Variants in GOLGA8A observed in about 807,000 individuals in gnomAD.
GOLGA8A encodes golgin subfamily A member 8A.
GOLGA8A carries 3 observed loss-of-function variants against 22.1 expected under a neutral mutation model. The ratio of observed to expected loss-of-function variants is 0.14; its 90% CI spans 0.06 to 0.35. GOLGA8A has a LOEUF of 0.35. GOLGA8A is among the 10% of genes least tolerant of loss of function. The pLI is 1.00. For missense variants in GOLGA8A, 16 were observed against 233.2 expected (o/e 0.07, Z 6.07); for synonymous variants, 7 against 91.7 (o/e 0.08, Z 5.28).
chr15:34,430,696 G>C (rs2140289068), intron 2 of GOLGA8A, among the ~76,000 whole-genome samples: 1 of 149,718 alleles, frequency 6.7e-6, no homozygotes, highest in East Asian at 2.0e-4. Flanking sequence ...TGACTGCACT[G>C]ACTGCGTGCT....
intron 2 of GOLGA8A, among the ~76,000 whole-genome samples, chr15:34,427,667 T>A (rs928021755): frequency 6.7e-6 from 1 of 148,596 alleles, no homozygotes; most frequent in Admixed American, 6.8e-5. Context: ...GCCATCGGAC[T>A]CCCAGGCACC....
chr15:34,426,253 GCTTGCGC>G (rs1892978875), intron 2 of GOLGA8A, among the ~76,000 whole-genome samples: 1 of 149,876 alleles, frequency 6.7e-6, no homozygotes, highest in Non-Finnish European at 1.5e-5. Flanking sequence ...GAATAACGCT[GCTTGCGC>G]AAAGGACAAG....
chr15:34,434,046 T>C (rs2453690), intron 2 of GOLGA8A, among the ~76,000 whole-genome samples: 13,816 of 147,902 alleles, frequency 0.093, 1,617 homozygotes, highest in South Asian at 0.25. Flanking sequence ...AGGGATAAGA[T>C]GAAAGAGCCT....
rs997341231 is a variant in GOLGA8A, at chr15:34,429,694, T to C, written c.-1123+5689A>G. On this transcript the variant is annotated intron_variant, in intron 2 of 24. Coordinates refer to ENST00000359187, the MANE Select transcript of GOLGA8A (RefSeq NM_181077.5). Reference sequence around the variant, plus strand: ...TGGGAACAAGAAAGCTGGAATATAGTAGCTTCTCAGAAAATACCTACTGAG... The same window carrying C: ...TGGGAACAAGAAAGCTGGAATATAGCAGCTTCTCAGAAAATACCTACTGAG... 1.3e-4 allele frequency among the ~76,000 whole-genome samples: 19 copies of C among 146,536 alleles called. 3 individuals are homozygous for C. Among genetic ancestry groups the C allele is most frequent in the African/African-American group, 4.2e-4 (17 of 40,126 alleles).
At chr15:34,417,768 T>A (rs1324626946) in intron 2 of GOLGA8A, 9 of 147,856 alleles carry the variant, frequency 6.1e-5, no homozygotes, top group Admixed American at 2.8e-4. Flanking sequence ...CTTACATGTT[T>A]TTCTAAGATC....
chr15:34,428,625 G>A (rs1381326439), intron 2 of GOLGA8A: 1 of 148,026 alleles, frequency 6.8e-6, no homozygotes, highest in East Asian at 2.0e-4. Flanking sequence ...CTATCAAACA[G>A]GGACCTCTGA....
chr15:34,427,326 G>A (rs1474806902), intron 2 of GOLGA8A, among the ~76,000 whole-genome samples: 13 of 75,772 alleles, frequency 1.7e-4, no homozygotes, highest in African/African-American at 4.6e-4. Context: ...GTGAGACTCC[G>A]TCACAAAAAA....
chr15:34,430,038 T>G (rs1228281709), intron 2 of GOLGA8A, among the ~76,000 whole-genome samples: 1 of 146,854 alleles, frequency 6.8e-6, no homozygotes, highest in Non-Finnish European at 1.5e-5. Context: ...CCAAGACAAG[T>G]TGGAGATGAG....
Position 34,430,438 on chromosome 15 carries a change from T to C in GOLGA8A, c.-1123+4945A>G, listed in dbSNP as rs937144090. ...AGCTGTGGGTCAGGAAAATCTCGAC[T>C]TCACCCAATGCCATTCCCGAGACAA... On this transcript the variant is annotated intron_variant, in intron 2 of 24. Transcript: ENST00000359187. Among the ~76,000 whole-genome samples, 7 of 149,170 alleles carry C rather than the reference T, an allele frequency of 4.7e-5. 1 individual carries two copies. The East Asian group carries it at 5.9e-4, about 13-fold the overall frequency.
intron 2 of GOLGA8A, among the ~76,000 whole-genome samples, chr15:34,424,524 C>CT (rs1195435805): frequency 6.8e-6 from 1 of 146,288 alleles, no homozygotes; most frequent in Non-Finnish European, 1.5e-5. Context: ...AAGGCAACAA[C>CT]TTTTCTACAG....
intron 2 of GOLGA8A, among the ~76,000 whole-genome samples, chr15:34,428,108 T>TC (rs1478554641): frequency 6.1e-5 from 9 of 146,470 alleles, no homozygotes; most frequent in Non-Finnish European, 6.0e-5. Context: ...TTTTTTTTTT[T>TC]TGAGAGAGAG....
rs1566900593 is a variant in GOLGA8A at position 34,379,128 on chromosome 15, C to T, written c.*2283G>A. 1 of 152,536 alleles carries T rather than the reference C, an allele frequency of 6.6e-6. No homozygotes were observed. The highest frequency in any genetic ancestry group is 2.4e-5 in the African/African-American group (1 of 41,414). The allele number at this position is 152,536 out of a possible 1,614,324, so 9.4% of individuals were successfully genotyped here. ...GCATCACATCAGCAGTCAATAATGCCACTTTAAGCAAAAGTCTTTCAGTAT... is the reference window on the plus strand; with the variant it reads ...GCATCACATCAGCAGTCAATAATGCTACTTTAAGCAAAAGTCTTTCAGTAT... On this transcript the variant is annotated 3_prime_UTR_variant, in exon 25 of 25. Transcript: ENST00000359187.
intron 2 of GOLGA8A, among the ~76,000 whole-genome samples, chr15:34,423,269 C>T (rs2042489637): frequency 7.9e-6 from 1 of 126,234 alleles, no homozygotes; most frequent in Non-Finnish European, 1.7e-5. Context: ...CGCCACCCTG[C>T]AGCTCCTGTT....
In GOLGA8A at chr15:34,379,237, G is replaced by T. The variant is rs7727; in HGVS notation, c.*2174C>A. The T allele has an allele frequency of 0.63, 95,433 of 152,520 alleles. 32,916 individuals carry two copies. The highest frequency in any genetic ancestry group is 0.82 in the East Asian group (4,252 of 5,186). The allele number at this position is 152,520 out of a possible 1,614,324, so 9.4% of individuals were successfully genotyped here. A position where few individuals can be genotyped will look rare whatever the true frequency, so the allele number is the denominator to read the frequency against. On this transcript the variant is annotated 3_prime_UTR_variant, in exon 25 of 25. Coordinates refer to ENST00000359187, the MANE Select transcript of GOLGA8A (RefSeq NM_181077.5). ...ACTTGGCAAATAACGCTTTGGCCTG[G>T]AATTGGCATTTCTTTCTCTACTTTT...
At chr15:34,437,219 C>A (rs1344299453) in intron 1 of GOLGA8A, among the ~76,000 whole-genome samples, 179 bp downstream of exon 1, 1 of 146,822 alleles carries the variant, frequency 6.8e-6, no homozygotes, top group Non-Finnish European at 1.5e-5. Flanking sequence ...CGCCGGGCTG[C>A]ACCCCTAGAT....
intron 2 of GOLGA8A, among the ~76,000 whole-genome samples, chr15:34,427,406 C>T (rs80263932): frequency 0.092 from 13,646 of 147,566 alleles, 1,667 homozygotes; most frequent in South Asian, 0.25. Flanking sequence ...TAATCGAGTC[C>T]GTTTTTTCTG....
chr15:34,423,104 C>T (rs1360689196), intron 2 of GOLGA8A, among the ~76,000 whole-genome samples: 1 of 127,490 alleles, frequency 7.8e-6, no homozygotes, highest in Non-Finnish European at 1.7e-5. Flanking sequence ...CTTGGACCCA[C>T]GCCTCCCGGT....
intron 2 of GOLGA8A, among the ~76,000 whole-genome samples, chr15:34,424,037 G>A (rs1165600506): frequency 6.8e-6 from 1 of 147,866 alleles, no homozygotes; most frequent in Non-Finnish European, 1.5e-5. Flanking sequence ...CCTGCCTGAG[G>A]CCAAGCAGCA....
intron 1 of GOLGA8A, among the ~76,000 whole-genome samples, chr15:34,436,180 C>CA (rs1157730592): frequency 6.7e-6 from 1 of 149,484 alleles, no homozygotes; most frequent in Non-Finnish European, 1.5e-5. Flanking sequence ...AAGCCACCGG[C>CA]AGGCTCCTGG....
Sources: gnomAD v4.1 joint callset for allele counts (sites outside exome capture counted in the v4.1 genomes callset) on GRCh38, gnomAD v4.1.1 for gene constraint, MANE v1.5 for transcripts, NCBI Gene and HGNC (gene_info 2026-07-23, HGNC 2026-07-21) for gene names.